Variants in ABCC5 observed in about 807,000 individuals in gnomAD.
ABCC5 encodes the protein ATP binding cassette subfamily C member 5, also known as ATP-binding cassette sub-family C member 5.
ABCC5 carries 61 observed loss-of-function variants against 160.9 expected under a neutral mutation model. That is an observed-to-expected ratio of 0.38 (90% CI 0.31 to 0.47). The LOEUF (loss-of-function observed/expected upper bound fraction) is 0.47. Among genes scored for constraint, ABCC5 ranks in the 20% least tolerant of loss-of-function variants. ABCC5 has a pLI of 0.99. For synonymous variants in ABCC5, 666 were observed against 700.6 expected, an observed-to-expected ratio of 0.95 and a Z score of 0.78; for missense variants, 1,308 against 1,813.3, an observed-to-expected ratio of 0.72 and a Z score of 5.06.
chr3:183,972,119 T>A, intron 10 of ABCC5, 200 bp from the exon 11 acceptor site: 1 of 987,910 alleles, frequency 1.0e-6, no homozygotes, highest in South Asian at 1.4e-5. Context: ...CCTCAAGAGG[T>A]CCAGGGGCCT....
At chr3:183,923,050 T>A (rs1320371554) in intron 29 of ABCC5, among the ~76,000 whole-genome samples, 6 of 152,158 alleles carry the variant, frequency 3.9e-5, no homozygotes, top group African/African-American at 1.4e-4. Flanking sequence ...AGTCTGTGTG[T>A]GCAGATGCAA....
rs1421938254 is a variant in ABCC5 at position 183,942,748 on chromosome 3, T to C, written c.3673A>G (p.Ile1225Val). The C allele has an allele frequency of 6.2e-7, 1 of 1,614,072 alleles. No homozygotes were observed. The stretch of plus-strand genomic sequence containing the variant: ...TTACCTGATCCTGTCCGCCCCACAA[T>C]GCCAATCTTCTCTTTAGGTTTGATC... ...FTIKPKEKIG[I>V]VGRTGSGKSS... Residue 1225 changes from isoleucine (I) to valine (V), a missense_variant, in exon 25 of 30, where the codon ATT (isoleucine) becomes GTT (valine). This residue lies in a region of ABCC5 where 163 missense variants were observed against 269.7 expected (regional missense o/e 0.60). Coordinates refer to ENST00000334444, the MANE Select transcript of ABCC5 (RefSeq NM_005688.4).
At position 183,958,525 on chromosome 3, in the gene ABCC5, T is replaced by C. The variant is rs538776519; in HGVS notation, c.2482+1208A>G. On this transcript the variant is annotated intron_variant, in intron 17 of 29. Coordinates refer to ENST00000334444, the MANE Select transcript of ABCC5 (RefSeq NM_005688.4). ...TTTGGGGTGTGTCAATAAGGTATCA[T>C]AAACCACACTTGAATTCAAAATCTC... Among the ~76,000 whole-genome samples, 4 of 152,144 alleles carry C rather than the reference T, an allele frequency of 2.6e-5. No individual in the cohort carries two copies. The East Asian group carries it at 7.7e-4, about 29-fold the overall frequency.
At chr3:184,015,871 C>A (rs1327630469) in intron 1 of ABCC5, among the ~76,000 whole-genome samples, 1 of 152,136 alleles carries the variant, frequency 6.6e-6, no homozygotes, top group Non-Finnish European at 1.5e-5. Context: ...AACCTTCTTA[C>A]GGGAATCACG....
chr3:183,955,647 T>A (rs13323043), intron 17 of ABCC5, among the ~76,000 whole-genome samples: 16,143 of 128,638 alleles, frequency 0.13, 971 homozygotes, highest in East Asian at 0.29. Context: ...TCCGTGTGTA[T>A]ATCACATCGG....
chr3:184,015,066 T>C (rs1374878459), intron 1 of ABCC5, among the ~76,000 whole-genome samples: 3 of 152,194 alleles, frequency 2.0e-5, no homozygotes, highest in Non-Finnish European at 4.4e-5. Flanking sequence ...ATAGTGGTAA[T>C]GGTTGCACAA....
At chr3:184,013,870 A>G (rs950555567) in intron 2 of ABCC5, among the ~76,000 whole-genome samples, 1 of 152,110 alleles carries the variant, frequency 6.6e-6, no homozygotes, top group African/African-American at 2.4e-5. Flanking sequence ...AAAGCCAATA[A>G]AGAAAAACAC....
chr3:183,923,393 T>C (rs1336056223), intron 29 of ABCC5, among the ~76,000 whole-genome samples: 1 of 151,964 alleles, frequency 6.6e-6, no homozygotes, highest in Non-Finnish European at 1.5e-5. Flanking sequence ...GAGGCTGAGG[T>C]GGGCGGATTA....
At chr3:183,946,023 G>T in intron 23 of ABCC5, 84 bp from the exon 24 acceptor site, 1 of 1,259,928 alleles carries the variant, frequency 7.9e-7, no homozygotes, top group Non-Finnish European at 1.2e-6. Context: ...TTCATCTAGA[G>T]GACTACTAAG....
At position 183,977,508 on chromosome 3, in the gene ABCC5, G is replaced by A. The variant is rs1345801441; in HGVS notation, c.1404+9C>T. On this transcript the variant is annotated intron_variant, in intron 10 of 29. Transcript: ENST00000334444. ...TCCTGACACGGGGGCAGGGGAAGGA[G>A]CCACTTACCTTAAATCTGTCAACAG... The A allele has an allele frequency of 6.3e-7, 1 of 1,598,758 alleles. No individual in the cohort carries two copies. Among genetic ancestry groups the A allele is most frequent in the East Asian group, 2.2e-5 (1 of 44,774 alleles).
chr3:183,999,649 G>A (rs1217042341), intron 2 of ABCC5, among the ~76,000 whole-genome samples: 1 of 152,004 alleles, frequency 6.6e-6, no homozygotes, highest in Non-Finnish European at 1.5e-5. Flanking sequence ...GCATGGTGGT[G>A]CACACCTGTG....
At chr3:183,970,972 G>A (rs1417801911) in intron 11 of ABCC5, among the ~76,000 whole-genome samples, 3 of 152,018 alleles carry the variant, frequency 2.0e-5, no homozygotes, top group South Asian at 4.2e-4. Context: ...CTAATGACAC[G>A]GACCTGTGAA....
chr3:183,976,944 A>T (rs1436804072), intron 10 of ABCC5, among the ~76,000 whole-genome samples: 2 of 152,256 alleles, frequency 1.3e-5, no homozygotes, highest in Non-Finnish European at 2.9e-5. Context: ...CTGAAGGAAC[A>T]AAGAACACAG....
chr3:183,965,415 T>C lies in ABCC5; in HGVS notation c.1920A>G (p.Arg640=). ...QQAWILNATL[R]DNILFGKEYD... ...ATTCCTTCCCAAACAGGATGTTGTCTCTCAGAGTAGCATTGAGGATCCAGG... is the reference window on the plus strand; with the variant it reads ...ATTCCTTCCCAAACAGGATGTTGTCCCTCAGAGTAGCATTGAGGATCCAGG... Residue 640 remains arginine (R), a synonymous_variant, in exon 13 of 30, where the codon AGA becomes AGG. Coordinates refer to ENST00000334444, the MANE Select transcript of ABCC5 (RefSeq NM_005688.4). The C allele has an allele frequency of 1.2e-6, 2 of 1,614,006 alleles. No individual in the cohort carries two copies. Among genetic ancestry groups the C allele is most frequent in the Non-Finnish European group, 1.7e-6 (2 of 1,180,028 alleles).
At chr3:183,931,244 T>C (rs1713147989) in intron 26 of ABCC5, among the ~76,000 whole-genome samples, 1 of 151,770 alleles carries the variant, frequency 6.6e-6, no homozygotes, top group Non-Finnish European at 1.5e-5. Context: ...AGAACTGCTG[T>C]ACACAAAAGC....
At chr3:183,980,862 A>G (rs1013541865) in intron 8 of ABCC5, among the ~76,000 whole-genome samples, 1 of 151,876 alleles carries the variant, frequency 6.6e-6, no homozygotes, top group Non-Finnish European at 1.5e-5. Flanking sequence ...ACAGGCATGC[A>G]CCACCACACC....
At chr3:183,924,010 C>CTTT (rs200040197) in intron 29 of ABCC5, among the ~76,000 whole-genome samples, 4,342 of 112,112 alleles carry the variant, frequency 0.039, 254 homozygotes, top group East Asian at 0.1. Context: ...TTACTGTTTG[C>CTTT]TTTTTTTTTT....
In ABCC5 at chr3:183,976,493, G is replaced by T. The variant is rs1331767721; in HGVS notation, c.1404+1024C>A. On this transcript the variant is annotated intron_variant, in intron 10 of 29. Transcript: ENST00000334444. ...TGGTCTTGAACTCCTGGGCTCAAGTGAGCCACCTGCCTCAGCCTCCCAAAG... is the reference window on the plus strand; with the variant it reads ...TGGTCTTGAACTCCTGGGCTCAAGTTAGCCACCTGCCTCAGCCTCCCAAAG... Among the ~76,000 whole-genome samples the T allele has an allele frequency of 1.3e-5, 2 of 151,966 alleles. 1 individual carries two copies. The highest frequency in any genetic ancestry group is 4.8e-5 in the African/African-American group (2 of 41,358).
chr3:183,992,768 G>A (rs1719891373), intron 2 of ABCC5, among the ~76,000 whole-genome samples: 3 of 151,322 alleles, frequency 2.0e-5, no homozygotes, highest in African/African-American at 4.9e-5. Flanking sequence ...CGGCCTGAGC[G>A]AAAGAGCGAG....
Sources: allele counts gnomAD v4.1 joint callset (sites outside exome capture counted in the v4.1 genomes callset), GRCh38; gene constraint gnomAD v4.1.1; regional missense constraint gnomAD v4.1.1; transcripts MANE v1.5; gene names NCBI Gene and HGNC (gene_info 2026-07-23, HGNC 2026-07-21).